Variants in SGCD observed in about 807,000 individuals in gnomAD.
SGCD encodes sarcoglycan delta.
A neutral mutation model predicts 36.6 loss-of-function variants in SGCD; 18 were observed. That is an observed-to-expected ratio of 0.49 (90% confidence interval 0.34 to 0.73). The LOEUF (loss-of-function observed/expected upper bound fraction) is 0.73, where lower values mean the gene tolerates loss of function less well. SGCD is among the 30% of genes least tolerant of loss of function. The pLI, the probability that SGCD is intolerant of heterozygous loss-of-function variation, is 0.01. For synonymous variants in SGCD, 133 were observed against 130.6 expected (o/e 1.02, Z -0.12); for missense variants, 387 against 346.7 (o/e 1.12, Z -0.92).
At chr5:155,759,605 G>A in the SGCD span, among the ~76,000 whole-genome samples, 6 of 152,178 alleles carry the variant, frequency 3.9e-5, no homozygotes, top group East Asian at 3.8e-4. Flanking sequence ...GGGCAAGGAC[G>A]CACCAACTTC....
chr5:155,894,073 T>C (rs1182735396), intron 1 of SGCD, among the ~76,000 whole-genome samples: 2 of 152,128 alleles, frequency 1.3e-5, no homozygotes, highest in East Asian at 1.9e-4. Context: ...TCTGGGTGAG[T>C]TGGTGAGCGA....
intron 3 of SGCD, among the ~76,000 whole-genome samples, chr5:156,215,087 C>T (rs1194487236): frequency 6.6e-6 from 1 of 152,002 alleles, no homozygotes; most frequent in Non-Finnish European, 1.5e-5. Context: ...AGGAAATGCT[C>T]ATTGGAATAT....
At chr5:156,447,091 T>C (rs1207115953) in intron 3 of SGCD, among the ~76,000 whole-genome samples, 1 of 152,088 alleles carries the variant, frequency 6.6e-6, no homozygotes, top group Admixed American at 6.6e-5. Context: ...ATAACACAGG[T>C]CGTTAAAGGT....
the SGCD span, among the ~76,000 whole-genome samples, chr5:155,764,295 C>T: frequency 2.4e-4 from 37 of 152,256 alleles, no homozygotes; most frequent in African/African-American, 8.9e-4. Context: ...TCCTTAAATG[C>T]TACATAAACA....
chr5:156,602,271 T>C (rs1761226971), intron 6 of SGCD, among the ~76,000 whole-genome samples: 1 of 151,980 alleles, frequency 6.6e-6, no homozygotes, highest in Non-Finnish European at 1.5e-5. Flanking sequence ...ATAGAAATGC[T>C]ACTGATTTGT....
chr5:155,817,635 A>G, the SGCD span, among the ~76,000 whole-genome samples: 20 of 152,168 alleles, frequency 1.3e-4, no homozygotes, highest in Non-Finnish European at 2.8e-4. Context: ...AATAATAAGA[A>G]TTATTTAAAG....
At chr5:156,034,723 A>G (rs756371131) in intron 1 of SGCD, among the ~76,000 whole-genome samples, 14 of 152,204 alleles carry the variant, frequency 9.2e-5, no homozygotes, top group Non-Finnish European at 1.5e-4. Context: ...TATGCAATAA[A>G]CATTAAGAAA....
intron 1 of SGCD, among the ~76,000 whole-genome samples, chr5:155,908,826 C>G (rs1756575879): frequency 6.6e-6 from 1 of 152,094 alleles, no homozygotes; most frequent in African/African-American, 2.4e-5. Context: ...GCATGTCTGT[C>G]TGTTTTGTCA....
At chr5:156,416,817 A>G (rs1019616242) in intron 3 of SGCD, among the ~76,000 whole-genome samples, 7 of 152,232 alleles carry the variant, frequency 4.6e-5, no homozygotes, top group African/African-American at 1.7e-4. Flanking sequence ...TTGCAATGCT[A>G]TCTGCACTAA....
At chr5:156,208,409 A>G (rs909282505) in intron 3 of SGCD, among the ~76,000 whole-genome samples, 2 of 152,340 alleles carry the variant, frequency 1.3e-5, no homozygotes, top group Middle Eastern at 3.4e-3. Flanking sequence ...TCTGCCTTTT[A>G]GGGTTGACTG....
At chr5:156,741,830 G>A (rs148411450) in intron 7 of SGCD, among the ~76,000 whole-genome samples, 41 of 152,098 alleles carry the variant, frequency 2.7e-4, no homozygotes, top group Middle Eastern at 3.4e-3. Context: ...AAAAGAGACA[G>A]TGAGACAGTG....
At chr5:156,027,287 T>C (rs1759243279) in intron 1 of SGCD, among the ~76,000 whole-genome samples, 1 of 152,126 alleles carries the variant, frequency 6.6e-6, no homozygotes, top group African/African-American at 2.4e-5. Flanking sequence ...GGGCACCAAG[T>C]TTCTAGAAAG....
intron 3 of SGCD, among the ~76,000 whole-genome samples, chr5:156,407,244 G>A (rs919936032): frequency 6.6e-6 from 1 of 152,140 alleles, no homozygotes; most frequent in African/African-American, 2.4e-5. Context: ...CATCACACCT[G>A]CCTAAATTTT....
chr5:156,138,964 G>A (rs1762517609), intron 3 of SGCD, among the ~76,000 whole-genome samples: 1 of 152,046 alleles, frequency 6.6e-6, no homozygotes, highest in African/African-American at 2.4e-5. Context: ...GTACTTATTG[G>A]CCATTTGTAT....
intron 6 of SGCD, among the ~76,000 whole-genome samples, chr5:156,632,215 C>T (rs1312726483): frequency 2.0e-5 from 3 of 151,926 alleles, no homozygotes; most frequent in Admixed American, 1.3e-4. Context: ...GTCACATGCC[C>T]CTAGACCAAA....
chr5:155,751,073 A>T, the SGCD span, among the ~76,000 whole-genome samples: 1 of 152,124 alleles, frequency 6.6e-6, no homozygotes, highest in Non-Finnish European at 1.5e-5. Flanking sequence ...TGATTCTTTG[A>T]CTGTTTTATA....
chr5:155,829,541 T>G, the SGCD span, among the ~76,000 whole-genome samples: 1 of 152,154 alleles, frequency 6.6e-6, no homozygotes, highest in East Asian at 1.9e-4. Context: ...CAGGGAAGAA[T>G]AAATCAGAAG....
At chr5:156,641,728 C>T (rs142551097) in intron 6 of SGCD, among the ~76,000 whole-genome samples, 126 of 152,246 alleles carry the variant, frequency 8.3e-4, no homozygotes, top group African/African-American at 2.7e-3. Context: ...CATCTCCTCC[C>T]GTGGGCCCTG....
At chr5:155,755,350 T>C in the SGCD span, among the ~76,000 whole-genome samples, 1 of 152,208 alleles carries the variant, frequency 6.6e-6, no homozygotes, top group Non-Finnish European at 1.5e-5. Context: ...GGACTTGATG[T>C]TTTATTTCTG....
Sources: gnomAD v4.1 joint callset for allele counts (sites outside exome capture counted in the v4.1 genomes callset) on GRCh38, gnomAD v4.1.1 for gene constraint, MANE v1.5 for transcripts, NCBI Gene and HGNC (gene_info 2026-07-23, HGNC 2026-07-21) for gene names.